Variants in SH3GL2 observed in about 807,000 individuals in gnomAD.
SH3GL2 encodes the protein endophilin-A1.
A neutral mutation model predicts 46.0 loss-of-function variants in SH3GL2; 24 were observed. That is an observed-to-expected ratio of 0.52 (90% CI 0.38 to 0.73). The LOEUF (loss-of-function observed/expected upper bound fraction) is 0.73, where lower values mean the gene tolerates loss of function less well. SH3GL2 is among the 30% of genes least tolerant of loss of function. SH3GL2 has a pLI of 0.00. For missense variants in SH3GL2, 413 were observed against 424.2 expected (o/e 0.97, Z 0.23); for synonymous variants, 196 against 147.1 (o/e 1.33, Z -2.40).
At chr9:17,646,481 G>A (rs1819820911) in intron 1 of SH3GL2, among the ~76,000 whole-genome samples, 1 of 152,042 alleles carries the variant, frequency 6.6e-6, no homozygotes, top group African/African-American at 2.4e-5. Context: ...TTTCAGCCTT[G>A]TTGCGCTGGT....
intron 1 of SH3GL2, among the ~76,000 whole-genome samples, chr9:17,579,502 C>T (rs1818233736): frequency 6.6e-6 from 1 of 152,034 alleles, no homozygotes; most frequent in African/African-American, 2.4e-5. Flanking sequence ...TGCGCGCTGC[C>T]TTCCCGCGGG....
chr9:17,629,379 C>A (rs1234848083), intron 1 of SH3GL2, among the ~76,000 whole-genome samples: 2 of 152,130 alleles, frequency 1.3e-5, no homozygotes, highest in Non-Finnish European at 2.9e-5. Context: ...ATCCACCAGT[C>A]TTTTTTATAA....
At chr9:17,764,069 C>G (rs1823251982) in intron 3 of SH3GL2, among the ~76,000 whole-genome samples, 1 of 152,050 alleles carries the variant, frequency 6.6e-6, no homozygotes, top group Non-Finnish European at 1.5e-5. Context: ...TAATTGGCTG[C>G]CAATATAATG....
chr9:17,626,949 C>G (rs543332463), intron 1 of SH3GL2, among the ~76,000 whole-genome samples: 1 of 152,146 alleles, frequency 6.6e-6, no homozygotes, highest in Non-Finnish European at 1.5e-5. Flanking sequence ...TTACTGGTTC[C>G]CTGAGCAGGT....
rs201727474 is a variant in SH3GL2 at position 17,579,191 on chromosome 9, C to CG, written c.-52_-51insG. ...GCCGCCCCGCTCGGCCCTCCAGTCC[C>CG]CCTCCGCCTCCTCCCTCCCGCACAG... On this transcript the variant is annotated 5_prime_UTR_variant, in exon 1 of 9. Transcript: ENST00000380607. The CG allele has an allele frequency of 5.2e-5, 73 of 1,407,464 alleles. 3 individuals are homozygous for CG. In the Middle Eastern group the frequency reaches 9.1e-4, roughly 18 times the overall value. The allele number at this position is 1,407,464 out of a possible 1,614,324, so 87.2% of individuals were successfully genotyped here.
intron 3 of SH3GL2, among the ~76,000 whole-genome samples, chr9:17,784,167 C>G (rs1483267485): frequency 6.6e-6 from 1 of 152,018 alleles, no homozygotes; most frequent in Non-Finnish European, 1.5e-5. Context: ...TAGAAAATGG[C>G]TTTCTTCCTC....
At chr9:17,588,098 T>C (rs745947147) in intron 1 of SH3GL2, among the ~76,000 whole-genome samples, 14 of 152,196 alleles carry the variant, frequency 9.2e-5, no homozygotes, top group Non-Finnish European at 1.2e-4. Flanking sequence ...ACTTTGTTGC[T>C]CAAAGTCTTT....
At chr9:17,761,161 C>G (rs1425836653) in intron 2 of SH3GL2, among the ~76,000 whole-genome samples, 4 of 148,906 alleles carry the variant, frequency 2.7e-5, no homozygotes, top group African/African-American at 9.7e-5. Flanking sequence ...TTTTATTCAC[C>G]TTATTTTCAC....
intron 1 of SH3GL2, among the ~76,000 whole-genome samples, chr9:17,703,078 A>T (rs57185575): frequency 0.029 from 4,365 of 152,114 alleles, 81 homozygotes; most frequent in African/African-American, 0.045. Context: ...CACATCAGAC[A>T]TTGTCAGGAC....
intron 3 of SH3GL2, among the ~76,000 whole-genome samples, chr9:17,780,637 G>C (rs374103477): frequency 1.8e-5 from 2 of 109,076 alleles, no homozygotes; most frequent in Admixed American, 2.0e-4. Context: ...CCCCTCCCCC[G>C]ACCCCACCAT....
At chr9:17,781,492 C>A (rs1035814029) in intron 3 of SH3GL2, among the ~76,000 whole-genome samples, 1 of 151,732 alleles carries the variant, frequency 6.6e-6, no homozygotes, top group South Asian at 2.1e-4. Flanking sequence ...TTAATTAGAT[C>A]CCATTTGTCA....
At chr9:17,680,287 A>G (rs1366026933) in intron 1 of SH3GL2, among the ~76,000 whole-genome samples, 1 of 152,110 alleles carries the variant, frequency 6.6e-6, no homozygotes, top group East Asian at 1.9e-4. Flanking sequence ...CAAGCTATTA[A>G]TTATTGCCTC....
intron 1 of SH3GL2, among the ~76,000 whole-genome samples, chr9:17,579,602 C>T (rs1356292146): frequency 1.3e-5 from 2 of 152,170 alleles, no homozygotes; most frequent in Non-Finnish European, 2.9e-5. Context: ...TGCACTGCTG[C>T]CGCGGCGCGC....
At chr9:17,641,314 G>T (rs1304087128) in intron 1 of SH3GL2, among the ~76,000 whole-genome samples, 2 of 152,156 alleles carry the variant, frequency 1.3e-5, no homozygotes, top group African/African-American at 4.8e-5. Flanking sequence ...TCAAGGGACA[G>T]ATGTATGAAT....
chr9:17,777,339 A>G (rs1262321086), intron 3 of SH3GL2, among the ~76,000 whole-genome samples: 1 of 152,194 alleles, frequency 6.6e-6, no homozygotes, highest in Non-Finnish European at 1.5e-5. Flanking sequence ...ATTATGTAAT[A>G]ATTGGTTTGC....
intron 1 of SH3GL2, among the ~76,000 whole-genome samples, chr9:17,685,476 A>C (rs886637205): frequency 6.6e-6 from 1 of 152,106 alleles, no homozygotes; most frequent in African/African-American, 2.4e-5. Context: ...GAATAACTGG[A>C]TACTATTGCC....
In SH3GL2 at chr9:17,654,561, G is replaced by T. The variant is rs554320190; in HGVS notation, c.45+75274G>T. On this transcript the variant is annotated intron_variant, in intron 1 of 8. Coordinates refer to ENST00000380607, the MANE Select transcript of SH3GL2 (RefSeq NM_003026.5). ...CTAGTCTGTGAAAGCGTAGATTAGG[G>T]CTTGGAATGAATAGAATTTAAAGAT... 2.6e-5 allele frequency among the ~76,000 whole-genome samples: 4 copies of T among 152,262 alleles called. No individual in the cohort carries two copies. The East Asian group carries it at 5.8e-4, about 22-fold the overall frequency.
chr9:17,620,203 G>A (rs1819105140), intron 1 of SH3GL2, among the ~76,000 whole-genome samples: 1 of 152,122 alleles, frequency 6.6e-6, no homozygotes, highest in South Asian at 2.1e-4. Flanking sequence ...GCAGCATTAA[G>A]AGATACTCTG....
At chr9:17,782,967 A>G (rs1210028541) in intron 3 of SH3GL2, among the ~76,000 whole-genome samples, 1 of 152,068 alleles carries the variant, frequency 6.6e-6, no homozygotes, top group African/African-American at 2.4e-5. Flanking sequence ...GTCCATGGAA[A>G]CACGCAAGGA....
Sources: gnomAD v4.1 joint callset for allele counts (sites outside exome capture counted in the v4.1 genomes callset) on GRCh38, gnomAD v4.1.1 for gene constraint, MANE v1.5 for transcripts, NCBI Gene and HGNC (gene_info 2026-07-23, HGNC 2026-07-21) for gene names.